Variants in SUMF1 observed in about 807,000 individuals in gnomAD.
SUMF1 encodes the protein sulfatase modifying factor 1.
Under a neutral mutation model 47.6 loss-of-function variants are expected in SUMF1, and 48 were observed. The ratio of observed to expected loss-of-function variants is 1.01; its 90% CI spans 0.80 to 1.28. The LOEUF (loss-of-function observed/expected upper bound fraction) is 1.28. Among genes scored for constraint, SUMF1 ranks in the 50% most tolerant of loss-of-function variants. SUMF1 has a pLI of 0.00. For missense variants in SUMF1, 571 were observed against 485.4 expected, an observed-to-expected ratio of 1.18 and a Z score of -1.66; for synonymous variants, 230 against 192.1, an observed-to-expected ratio of 1.20 and a Z score of -1.63.
chr3:4,366,805 G>C (rs1699977420), intron 8 of SUMF1, among the ~76,000 whole-genome samples: 1 of 151,586 alleles, frequency 6.6e-6, no homozygotes, highest in African/African-American at 2.4e-5. Flanking sequence ...CTTTTTAAGA[G>C]TTTCCAGTTT....
intron 7 of SUMF1, among the ~76,000 whole-genome samples, chr3:4,392,693 T>C (rs560999120): frequency 1.3e-5 from 2 of 151,528 alleles, no homozygotes; most frequent in East Asian, 3.9e-4. Context: ...CACATGTATA[T>C]GTAACAGCAA....
chr3:4,199,796 T>G (rs1695503661), intron 8 of SUMF1, among the ~76,000 whole-genome samples: 1 of 152,130 alleles, frequency 6.6e-6, no homozygotes, highest in Admixed American at 6.6e-5. Context: ...TAGTCAAGTT[T>G]TTGCCTATTT....
At chr3:4,344,264 A>T (rs1029437812) in intron 8 of SUMF1, among the ~76,000 whole-genome samples, 1 of 152,186 alleles carries the variant, frequency 6.6e-6, no homozygotes, top group African/African-American at 2.4e-5. Context: ...CCACACGGGG[A>T]AGGGGAACCC....
At chr3:4,089,140 T>G (rs967058355) in intron 8 of SUMF1, among the ~76,000 whole-genome samples, 2 of 152,110 alleles carry the variant, frequency 1.3e-5, no homozygotes, top group African/African-American at 4.8e-5. Flanking sequence ...ATCCCTCATG[T>G]ATTCTGAAAC....
At chr3:4,278,776 A>T (rs1358697425) in intron 8 of SUMF1, among the ~76,000 whole-genome samples, 1 of 152,178 alleles carries the variant, frequency 6.6e-6, no homozygotes, top group African/African-American at 2.4e-5. Context: ...TTATAGGTAT[A>T]TAATAAAAGA....
At chr3:4,168,298 TTTAA>T (rs1268880947) in intron 8 of SUMF1, among the ~76,000 whole-genome samples, 1 of 152,162 alleles carries the variant, frequency 6.6e-6, no homozygotes, top group African/African-American at 2.4e-5. Context: ...AAAATTTCAA[TTTAA>T]TTGTGTCTCT....
At chr3:4,192,242 A>G (rs1000982557) in intron 8 of SUMF1, among the ~76,000 whole-genome samples, 4 of 152,104 alleles carry the variant, frequency 2.6e-5, no homozygotes, top group Non-Finnish European at 4.4e-5. Flanking sequence ...TATGAAGATG[A>G]TAAGAGCATT....
chr3:4,096,650 G>T lies in SUMF1; in HGVS notation c.1015-27905C>A, dbSNP rs566673410. 5.3e-5 allele frequency among the ~76,000 whole-genome samples: 8 copies of T among 152,188 alleles called. No individual in the cohort carries two copies. The South Asian group carries it at 1.7e-3, about 32-fold the overall frequency. On this transcript the variant is annotated intron_variant and NMD_transcript_variant, in intron 8 of 12. Coordinates refer to the SUMF1 transcript ENST00000448413. ...CTTTACAGATTATCATGATAGCCAT[G>T]GTCATCAGGAAGACACATACCAAAA... is the stretch of plus-strand genomic sequence containing the variant.
chr3:4,279,063 T>A (rs552421479), intron 8 of SUMF1, among the ~76,000 whole-genome samples: 2 of 152,132 alleles, frequency 1.3e-5, no homozygotes, highest in Non-Finnish European at 2.9e-5. Context: ...GATTGGAAAA[T>A]TTTTTTTAAA....
At chr3:4,362,861 C>A (rs1699812101) in intron 8 of SUMF1, among the ~76,000 whole-genome samples, 1 of 152,064 alleles carries the variant, frequency 6.6e-6, no homozygotes, top group East Asian at 1.9e-4. Context: ...CTGCAGTACA[C>A]CATCACTGAG....
intron 8 of SUMF1, among the ~76,000 whole-genome samples, chr3:4,363,519 CTGTT>C (rs1219280572): frequency 4.0e-5 from 6 of 151,592 alleles, no homozygotes; most frequent in Non-Finnish European, 8.8e-5. Context: ...ATTTGGCTCT[CTGTT>C]TGTCTGTTAT....
chr3:4,060,615 A>T (rs1236766552), intron 9 of SUMF1, among the ~76,000 whole-genome samples: 1 of 152,180 alleles, frequency 6.6e-6, no homozygotes, highest in Non-Finnish European at 1.5e-5. Context: ...TATGATTATT[A>T]ACACTATGTG....
At chr3:4,380,535 C>T (rs1326165472) in intron 7 of SUMF1, among the ~76,000 whole-genome samples, 1 of 152,152 alleles carries the variant, frequency 6.6e-6, no homozygotes, top group African/African-American at 2.4e-5. Context: ...CCACAATTTA[C>T]CCATGTAACA....
chr3:4,369,428 C>T (rs141153866), intron 8 of SUMF1, among the ~76,000 whole-genome samples: 215 of 152,230 alleles, frequency 1.4e-3, no homozygotes, highest in African/African-American at 4.7e-3. Flanking sequence ...GCCTACTCGT[C>T]GGGCTGCTGT....
intron 8 of SUMF1, among the ~76,000 whole-genome samples, chr3:4,176,554 G>A (rs977803871): frequency 1.3e-5 from 2 of 152,134 alleles, no homozygotes; most frequent in Non-Finnish European, 2.9e-5. Flanking sequence ...AACATGGAAA[G>A]GAACAACCAG....
intron 8 of SUMF1, among the ~76,000 whole-genome samples, chr3:4,370,052 T>C (rs1028161232): frequency 1.3e-5 from 2 of 152,282 alleles, no homozygotes; most frequent in East Asian, 1.9e-4. Context: ...AACCGATACA[T>C]TCAAGATGGT....
chr3:4,330,168 A>G (rs188067054), intron 8 of SUMF1, among the ~76,000 whole-genome samples: 3 of 152,272 alleles, frequency 2.0e-5, no homozygotes, highest in Admixed American at 1.3e-4. Context: ...GGAAGTTCCA[A>G]ACTTTCCCAC....
chr3:4,285,517 A>G (rs1697616226), intron 8 of SUMF1, among the ~76,000 whole-genome samples: 1 of 152,192 alleles, frequency 6.6e-6, no homozygotes, highest in Admixed American at 6.5e-5. Flanking sequence ...AACTTTGACA[A>G]TGAAATTTCC....
At chr3:4,358,322 T>C (rs1699667426), downstream of SUMF1, among the ~76,000 whole-genome samples, 1 of 152,128 alleles carries the variant, frequency 6.6e-6, no homozygotes, top group East Asian at 1.9e-4. Context: ...GGGCAAGAAA[T>C]GAGAATTCGA....
Sources: allele counts gnomAD v4.1 joint callset (sites outside exome capture counted in the v4.1 genomes callset), GRCh38; gene constraint gnomAD v4.1.1; transcripts MANE v1.5; gene names NCBI Gene and HGNC (gene_info 2026-07-23, HGNC 2026-07-21).